The following CACNA2D3 variants were observed in gnomAD, a reference collection of about 807,000 sequenced individuals.
The protein encoded by CACNA2D3 is calcium voltage-gated channel auxiliary subunit alpha2delta 3, also known as voltage-dependent calcium channel subunit alpha-2/delta-3.
In CACNA2D3, 60 loss-of-function variants were observed where a neutral mutation model predicts 160.6. The ratio of observed to expected loss-of-function variants is 0.37; its 90% CI spans 0.30 to 0.46. CACNA2D3 has a LOEUF of 0.46. Ranked by LOEUF, CACNA2D3 falls within the 20% of genes least tolerant of loss-of-function variation. The pLI, the probability that CACNA2D3 is intolerant of heterozygous loss-of-function variation, is 1.00. For synonymous variants in CACNA2D3, 558 were observed against 492.9 expected (o/e 1.13, Z -1.75); for missense variants, 1,205 against 1,365.0 (o/e 0.88, Z 1.85).
intron 3 of CACNA2D3, among the ~76,000 whole-genome samples, chr3:54,368,077 G>A (rs1453740103): frequency 6.6e-6 from 1 of 152,180 alleles, no homozygotes; most frequent in Non-Finnish European, 1.5e-5. Context: ...GTAAATGAGA[G>A]TAATTATATA....
intron 27 of CACNA2D3, chr3:54,918,995 CTTT>C (rs3832225): frequency 3.5e-3 from 2,441 of 700,398 alleles, no homozygotes; most frequent in East Asian, 9.3e-3. Context: ...TATGAAGTAC[CTTT>C]TTTTTTTTTA....
chr3:54,652,392 ACAGGTAACCAG>A (rs1699787120), intron 11 of CACNA2D3, among the ~76,000 whole-genome samples: 1 of 152,212 alleles, frequency 6.6e-6, no homozygotes, highest in Admixed American at 6.5e-5. Context: ...ATAACAGATC[ACAGGTAACCAG>A]CAAATGAAAA....
chr3:54,837,771 A>G (rs1698727631), intron 15 of CACNA2D3, among the ~76,000 whole-genome samples: 1 of 152,026 alleles, frequency 6.6e-6, no homozygotes, highest in South Asian at 2.1e-4. Context: ...CTCTGTTTCC[A>G]TGTGACCTGT....
intron 5 of CACNA2D3, among the ~76,000 whole-genome samples, chr3:54,523,242 T>C (rs948643967): frequency 1.3e-5 from 2 of 152,214 alleles, no homozygotes; most frequent in Non-Finnish European, 2.9e-5. Context: ...GAGGGTTGTT[T>C]TTAATCATGA....
intron 2 of CACNA2D3, among the ~76,000 whole-genome samples, chr3:54,236,217 T>G (rs1375517973): frequency 6.6e-6 from 1 of 152,106 alleles, no homozygotes; most frequent in Non-Finnish European, 1.5e-5. Context: ...AACATGACAA[T>G]TAAGTGTAAT....
chr3:54,860,055 C>T (rs1559607374), intron 17 of CACNA2D3, among the ~76,000 whole-genome samples: 1 of 151,574 alleles, frequency 6.6e-6, no homozygotes, highest in African/African-American at 2.4e-5. Flanking sequence ...CCAAGGATCC[C>T]TCTGCTAAGG....
At chr3:54,740,156 C>T (rs1457753690) in intron 11 of CACNA2D3, among the ~76,000 whole-genome samples, 1 of 152,004 alleles carries the variant, frequency 6.6e-6, no homozygotes, top group Non-Finnish European at 1.5e-5. Flanking sequence ...CACGTAGTCT[C>T]CGATGGGGTA....
intron 29 of CACNA2D3, among the ~76,000 whole-genome samples, chr3:54,983,055 T>C (rs191850674): frequency 2.8e-4 from 43 of 152,306 alleles, no homozygotes; most frequent in African/African-American, 1.0e-3. Flanking sequence ...CCTCTAAAGA[T>C]GGAATTGCTC....
chr3:54,505,741 C>T (rs535671113), intron 5 of CACNA2D3, among the ~76,000 whole-genome samples: 54 of 152,222 alleles, frequency 3.5e-4, no homozygotes, highest in Non-Finnish European at 6.8e-4. Context: ...ATGACAGCTG[C>T]TTCAAGGTTT....
At chr3:54,852,807 C>A (rs933016678) in intron 17 of CACNA2D3, among the ~76,000 whole-genome samples, 1 of 152,164 alleles carries the variant, frequency 6.6e-6, no homozygotes, top group African/African-American at 2.4e-5. Flanking sequence ...GTGTTAAATG[C>A]TAACTAGACA....
intron 9 of CACNA2D3, among the ~76,000 whole-genome samples, chr3:54,616,968 T>C (rs188620328): frequency 0.013 from 1,955 of 152,246 alleles, 30 homozygotes; most frequent in Non-Finnish European, 0.015. Context: ...TCTCGGGCAT[T>C]CTCTTTCTGC....
chr3:54,389,196 G>A (rs1359432968), intron 4 of CACNA2D3, among the ~76,000 whole-genome samples: 1 of 152,024 alleles, frequency 6.6e-6, no homozygotes, highest in African/African-American at 2.4e-5. Context: ...TCAGTAGGCT[G>A]AGACAGGAGA....
At chr3:54,855,292 G>A (rs763644230) in intron 17 of CACNA2D3, among the ~76,000 whole-genome samples, 42 of 152,162 alleles carry the variant, frequency 2.8e-4, no homozygotes, top group Admixed American at 3.9e-4. Flanking sequence ...ACTAGTCTCC[G>A]GGCTCCGGCA....
At chr3:54,246,124 T>C (rs539727289) in intron 2 of CACNA2D3, among the ~76,000 whole-genome samples, 1 of 152,388 alleles carries the variant, frequency 6.6e-6, no homozygotes, top group East Asian at 1.9e-4. Flanking sequence ...TTTGGTTGTT[T>C]TGAAGCTTAC....
chr3:54,478,315 G>A (rs1700865289), intron 4 of CACNA2D3, among the ~76,000 whole-genome samples: 1 of 151,970 alleles, frequency 6.6e-6, no homozygotes, highest in Non-Finnish European at 1.5e-5. Flanking sequence ...ATATTACATG[G>A]CAAATTCCAG....
chr3:54,125,218 TG>T (rs1699565257), intron 2 of CACNA2D3, among the ~76,000 whole-genome samples: 1 of 149,170 alleles, frequency 6.7e-6, no homozygotes, highest in Admixed American at 6.8e-5. Context: ...ACATTAAATA[TG>T]TTTTTTTCTT....
At chr3:54,806,141 A>T (rs537678384) in intron 13 of CACNA2D3, among the ~76,000 whole-genome samples, 1 of 152,362 alleles carries the variant, frequency 6.6e-6, no homozygotes, top group South Asian at 2.1e-4. Context: ...GAAAACTGAC[A>T]CAAGACAGAG....
At chr3:54,901,677 A>T (rs1223619541) in intron 27 of CACNA2D3, among the ~76,000 whole-genome samples, 1 of 152,236 alleles carries the variant, frequency 6.6e-6, no homozygotes, top group Non-Finnish European at 1.5e-5. Flanking sequence ...AAGGCCAAGA[A>T]GCAAGGTCAT....
chr3:54,936,935 T>C (rs145422029), intron 27 of CACNA2D3, among the ~76,000 whole-genome samples: 394 of 152,216 alleles, frequency 2.6e-3, no homozygotes, highest in African/African-American at 9.0e-3. Context: ...CTACGGCTGA[T>C]GTTTATAAGT....
Sources: gnomAD v4.1 joint callset for allele counts (sites outside exome capture counted in the v4.1 genomes callset) on GRCh38, gnomAD v4.1.1 for gene constraint, MANE v1.5 for transcripts, NCBI Gene and HGNC (gene_info 2026-07-23, HGNC 2026-07-21) for gene names.